The following DPYD variants were observed in gnomAD, a reference collection of about 807,000 sequenced individuals.
DPYD encodes the protein dihydropyrimidine dehydrogenase [NADP(+)].
A neutral mutation model predicts 116.2 loss-of-function variants in DPYD; 109 were observed. The observed-to-expected ratio is 0.94, with a 90% confidence interval of 0.80 to 1.10. The LOEUF (loss-of-function observed/expected upper bound fraction) is 1.10. Ranked by LOEUF, DPYD falls within the 50% of genes least tolerant of loss-of-function variation. The pLI, the probability that DPYD is intolerant of heterozygous loss-of-function variation, is 0.00. For missense variants in DPYD, 1,302 were observed against 1,254.5 expected (o/e 1.04, Z -0.57); for synonymous variants, 440 against 432.0 (o/e 1.02, Z -0.23).
At chr1:97,771,043 T>A (rs1301726785) in intron 3 of DPYD, among the ~76,000 whole-genome samples, 1 of 152,142 alleles carries the variant, frequency 6.6e-6, no homozygotes, top group Non-Finnish European at 1.5e-5. Context: ...ATAGGCTGGA[T>A]GCAGTGGCTT....
chr1:97,830,793 G>A (rs543560692), intron 2 of DPYD, among the ~76,000 whole-genome samples: 9 of 151,828 alleles, frequency 5.9e-5, no homozygotes, highest in African/African-American at 1.9e-4. Context: ...CACACTGAGC[G>A]CTCAGTGATG....
intron 8 of DPYD, among the ~76,000 whole-genome samples, chr1:97,649,385 A>C (rs1283674310): frequency 6.6e-6 from 1 of 152,138 alleles, no homozygotes; most frequent in East Asian, 1.9e-4. Context: ...TTAGAAAATA[A>C]AAAGGTTGTA....
At chr1:97,759,962 C>T (rs942498601) in intron 3 of DPYD, among the ~76,000 whole-genome samples, 1 of 152,088 alleles carries the variant, frequency 6.6e-6, no homozygotes, top group Non-Finnish European at 1.5e-5. Flanking sequence ...ACTCTAAAAA[C>T]ACGCAGAAAG....
At chr1:97,305,705 T>C (rs1206257344) in intron 17 of DPYD, among the ~76,000 whole-genome samples, 1 of 151,984 alleles carries the variant, frequency 6.6e-6, no homozygotes, top group African/African-American at 2.4e-5. Context: ...CAAGCACGCA[T>C]GATTTTTGTA....
intron 12 of DPYD, among the ~76,000 whole-genome samples, chr1:97,532,595 A>G (rs138599477): frequency 0.014 from 2,088 of 151,820 alleles, 32 homozygotes; most frequent in Middle Eastern, 0.027. Flanking sequence ...TTTCTTCTTA[A>G]TTCTGTCTTT....
chr1:97,211,611 C>G (rs1297403668), intron 19 of DPYD, among the ~76,000 whole-genome samples: 2 of 152,040 alleles, frequency 1.3e-5, no homozygotes, highest in South Asian at 2.1e-4. Flanking sequence ...AAATAATATA[C>G]AGTTTTAAAA....
Position 97,699,399 on chromosome 1 carries a change from T to C in DPYD, c.632A>G (p.Tyr211Cys), listed in dbSNP as rs72549307. The change falls in exon 6 of 23, where the codon TAC (tyrosine) becomes TGC (cysteine). Residue 211 changes from tyrosine (Y) to cysteine (C), a missense_variant. Tyr to Cys is a radical substitution (Grantham distance 194, BLOSUM62 -2). Transcript: ENST00000370192. Reference sequence around the variant, plus strand: ...TTTTTCAAATATAGTGATGTCAGAGTACCCCAATCGAGCCAAAAAGGAAGC... The same window carrying C: ...TTTTTCAAATATAGTGATGTCAGAGCACCCCAATCGAGCCAAAAAGGAAGC... ...SCASFLARLG[Y>C]SDITIFEKQE... 5.0e-6 allele frequency: 8 copies of C among 1,613,538 alleles called. No individual in the cohort carries two copies. The highest frequency in any genetic ancestry group is 1.3e-5 in the African/African-American group (1 of 74,870).
At chr1:97,300,563 T>G (rs1666802439) in intron 18 of DPYD, among the ~76,000 whole-genome samples, 1 of 152,138 alleles carries the variant, frequency 6.6e-6, no homozygotes, top group Non-Finnish European at 1.5e-5. Flanking sequence ...AAATCTTCAG[T>G]TGCTGGCATG....
chr1:97,519,029 A>G (rs1410521174), intron 12 of DPYD, among the ~76,000 whole-genome samples: 1 of 152,142 alleles, frequency 6.6e-6, no homozygotes, highest in Non-Finnish European at 1.5e-5. Flanking sequence ...GTTTTAGATG[A>G]CCTTTAATTT....
At chr1:97,419,009 T>C (rs540805890) in intron 14 of DPYD, among the ~76,000 whole-genome samples, 2 of 152,300 alleles carry the variant, frequency 1.3e-5, no homozygotes, top group East Asian at 3.9e-4. Context: ...GAATTCTTAC[T>C]CCCAGACAAT....
chr1:97,119,267 G>T (rs1652233541), intron 20 of DPYD, among the ~76,000 whole-genome samples: 1 of 152,198 alleles, frequency 6.6e-6, no homozygotes, highest in Non-Finnish European at 1.5e-5. Flanking sequence ...CAGAAGTCAG[G>T]TAACAGCTCT....
At chr1:97,728,803 A>G (rs866019981) in intron 4 of DPYD, among the ~76,000 whole-genome samples, 93 of 152,132 alleles carry the variant, frequency 6.1e-4, no homozygotes, top group African/African-American at 1.7e-3. Flanking sequence ...CACAGAAAGT[A>G]CATGCACACA....
intron 19 of DPYD, among the ~76,000 whole-genome samples, chr1:97,217,113 C>G (rs969576991): frequency 5.9e-5 from 9 of 152,006 alleles, no homozygotes; most frequent in Non-Finnish European, 8.8e-5. Context: ...GAGGCTGAGG[C>G]AGGAGAATCG....
chr1:97,764,143 G>A (rs867227354), intron 3 of DPYD, among the ~76,000 whole-genome samples: 11 of 151,852 alleles, frequency 7.2e-5, no homozygotes, highest in African/African-American at 1.4e-4. Flanking sequence ...AAATAAAACC[G>A]ATGAAGGGGT....
At chr1:97,547,697 T>A (rs1458017606) in intron 12 of DPYD, among the ~76,000 whole-genome samples, 4 of 152,078 alleles carry the variant, frequency 2.6e-5, no homozygotes, top group African/African-American at 9.7e-5. Flanking sequence ...TGTTGTTGTT[T>A]AAAGATGAGG....
intron 16 of DPYD, among the ~76,000 whole-genome samples, chr1:97,324,798 C>T (rs1422403463): frequency 1.3e-5 from 2 of 151,950 alleles, no homozygotes; most frequent in Non-Finnish European, 2.9e-5. Context: ...CACCCAGATC[C>T]AGGAAAGCTT....
intron 3 of DPYD, among the ~76,000 whole-genome samples, chr1:97,747,158 T>C (rs1036954013): frequency 5.3e-5 from 8 of 152,126 alleles, no homozygotes; most frequent in Admixed American, 5.2e-4. Flanking sequence ...TAGAAGTAAT[T>C]AAATATTAGC....
intron 18 of DPYD, among the ~76,000 whole-genome samples, chr1:97,284,508 T>C (rs2100948894): frequency 1.3e-5 from 2 of 152,274 alleles, no homozygotes; most frequent in South Asian, 4.1e-4. Context: ...TGGAATATTC[T>C]TCTTTGGTCA....
At chr1:97,792,578 T>A (rs1335534053) in intron 3 of DPYD, among the ~76,000 whole-genome samples, 1 of 152,280 alleles carries the variant, frequency 6.6e-6, no homozygotes, top group South Asian at 2.1e-4. Context: ...CTGCATCAGA[T>A]CTTCTTAATG....
Sources: gnomAD v4.1 joint callset for allele counts (sites outside exome capture counted in the v4.1 genomes callset) on GRCh38, gnomAD v4.1.1 for gene constraint, MANE v1.5 for transcripts, NCBI Gene and HGNC (gene_info 2026-07-23, HGNC 2026-07-21) for gene names.